The following MIS18A variants were observed in gnomAD, a reference collection of about 807,000 sequenced individuals.
MIS18A encodes MIS18 kinetochore protein A.
MIS18A carries 14 observed loss-of-function variants against 25.0 expected under a neutral mutation model. The observed-to-expected ratio is 0.56, with a 90% confidence interval of 0.37 to 0.88. The LOEUF (loss-of-function observed/expected upper bound fraction) is 0.88, where lower values mean the gene tolerates loss of function less well. Among genes scored for constraint, MIS18A ranks in the 40% least tolerant of loss-of-function variants. The pLI, the probability that MIS18A is intolerant of heterozygous loss-of-function variation, is 0.00. For missense variants in MIS18A, 292 were observed against 290.8 expected (o/e 1.00, Z -0.03); for synonymous variants, 134 against 118.6 (o/e 1.13, Z -0.84).
chr21:32,275,229 A>C (rs939114409), intron 1 of MIS18A, among the ~76,000 whole-genome samples: 19 of 152,208 alleles, frequency 1.2e-4, no homozygotes, highest in African/African-American at 4.6e-4. Flanking sequence ...TTTTAAATAA[A>C]AATTTAAGAA....
At chr21:32,277,577 G>A (rs1165688455) in intron 1 of MIS18A, among the ~76,000 whole-genome samples, 2 of 152,058 alleles carry the variant, frequency 1.3e-5, no homozygotes, top group Admixed American at 6.5e-5. Context: ...CTCAGCCTCC[G>A]GAGTGGCTAG....
chr21:32,240,771 G>A, the MIS18A span, among the ~76,000 whole-genome samples: 10 of 2,200 alleles, frequency 4.5e-3, no homozygotes, highest in Non-Finnish European at 7.3e-3. Flanking sequence ...CAAAAGATGT[G>A]GTTTTGGTTT....
chr21:32,195,588 C>G, the MIS18A span, among the ~76,000 whole-genome samples: 2 of 152,198 alleles, frequency 1.3e-5, no homozygotes, highest in Non-Finnish European at 2.9e-5. Flanking sequence ...CTTTCTGGAA[C>G]TTTCTGACAA....
the MIS18A span, among the ~76,000 whole-genome samples, chr21:32,178,730 C>A: frequency 1.3e-5 from 2 of 152,150 alleles, no homozygotes; most frequent in Non-Finnish European, 2.9e-5. Context: ...CTTGTTGAGT[C>A]TATTAATTCA....
the MIS18A span, among the ~76,000 whole-genome samples, chr21:32,179,063 G>A: frequency 4.6e-5 from 7 of 150,812 alleles, no homozygotes; most frequent in Admixed American, 6.6e-5. Flanking sequence ...ATAGTGTCTT[G>A]TCCCTTAGTT....
chr21:32,177,450 T>C, the MIS18A span, among the ~76,000 whole-genome samples: 4 of 152,070 alleles, frequency 2.6e-5, no homozygotes, highest in Non-Finnish European at 5.9e-5. Flanking sequence ...GTTCCAGCCA[T>C]TGAAAAAAGG....
At chr21:32,177,274 T>C in the MIS18A span, among the ~76,000 whole-genome samples, 1 of 152,210 alleles carries the variant, frequency 6.6e-6, no homozygotes, top group Non-Finnish European at 1.5e-5. Flanking sequence ...GTAAAACCTT[T>C]AGCAAACTAG....
the MIS18A span, among the ~76,000 whole-genome samples, chr21:32,203,613 CTTTT>C: frequency 0.15 from 12,852 of 84,598 alleles, 301 homozygotes; most frequent in East Asian, 0.23. Context: ...TTTTTAAATG[CTTTT>C]TTTTTTTTTT....
chr21:32,229,146 G>C, the MIS18A span, among the ~76,000 whole-genome samples: 2 of 152,022 alleles, frequency 1.3e-5, no homozygotes, highest in African/African-American at 4.8e-5. Context: ...AGTCCCTTGG[G>C]ATTCTTACAA....
chr21:32,260,084 C>CTTTTTTTTTTTTTTTTTTTT, the MIS18A span: 194 of 116,768 alleles, frequency 1.7e-3, 12 homozygotes, highest in African/African-American at 6.4e-3. Flanking sequence ...TTTTTCTCAG[C>CTTTTTTTTTTTTTTTTTTTT]TTTTTTTTTT....
chr21:32,170,342 C>T, the MIS18A span, among the ~76,000 whole-genome samples: 1 of 152,144 alleles, frequency 6.6e-6, no homozygotes, highest in African/African-American at 2.4e-5. Context: ...TAAGGCCCTT[C>T]TTTATTTGAC....
the MIS18A span, among the ~76,000 whole-genome samples, chr21:32,223,261 A>G: frequency 2.0e-5 from 3 of 152,132 alleles, no homozygotes; most frequent in African/African-American, 7.2e-5. Flanking sequence ...GCAGAAGACA[A>G]GAAATAATTA....
chr21:32,195,266 T>C, the MIS18A span, among the ~76,000 whole-genome samples: 3,444 of 152,316 alleles, frequency 0.023, 86 homozygotes, highest in African/African-American at 0.059. Flanking sequence ...TTGGTGTCTA[T>C]TGGTTTCAAA....
the MIS18A span, among the ~76,000 whole-genome samples, chr21:32,164,138 C>A: frequency 6.6e-6 from 1 of 152,132 alleles, no homozygotes; most frequent in African/African-American, 2.4e-5. Context: ...TCCCACTAGC[C>A]CCCACCTCCA....
chr21:32,267,768 C>T (rs149775447), downstream of MIS18A, among the ~76,000 whole-genome samples: 6 of 152,322 alleles, frequency 3.9e-5, no homozygotes, highest in East Asian at 9.6e-4. Flanking sequence ...GGGACTACAT[C>T]GAGCTTACTG....
At chr21:32,208,529 A>G in the MIS18A span, among the ~76,000 whole-genome samples, 4 of 152,190 alleles carry the variant, frequency 2.6e-5, no homozygotes, top group Non-Finnish European at 4.4e-5. Flanking sequence ...TGCCAACACC[A>G]TGCTTCCTAT....
At chr21:32,175,069 C>T in the MIS18A span, among the ~76,000 whole-genome samples, 172 of 152,232 alleles carry the variant, frequency 1.1e-3, no homozygotes, top group African/African-American at 3.9e-3. Flanking sequence ...GATAGTATAA[C>T]CTACTACACA....
the MIS18A span, among the ~76,000 whole-genome samples, chr21:32,182,174 T>C: frequency 2.0e-5 from 3 of 152,204 alleles, no homozygotes; most frequent in East Asian, 1.9e-4. Flanking sequence ...TTCTGATTGA[T>C]AGTGGTTGTC....
the MIS18A span, among the ~76,000 whole-genome samples, chr21:32,207,750 A>G: frequency 2.0e-5 from 3 of 152,088 alleles, no homozygotes; most frequent in Admixed American, 2.0e-4. Context: ...AAATTATAAT[A>G]CCAAGTTCAC....
Sources: allele counts gnomAD v4.1 joint callset (sites outside exome capture counted in the v4.1 genomes callset), GRCh38; gene constraint gnomAD v4.1.1; transcripts MANE v1.5; gene names NCBI Gene and HGNC (gene_info 2026-07-23, HGNC 2026-07-21).